The following RABL6 variants were observed in gnomAD, a reference collection of about 807,000 sequenced individuals.
RABL6 encodes the protein rab-like protein 6.
Under a neutral mutation model 72.9 loss-of-function variants are expected in RABL6, and 28 were observed. The observed-to-expected ratio is 0.38, with a 90% CI of 0.28 to 0.53. The LOEUF (loss-of-function observed/expected upper bound fraction) is 0.53. Among genes scored for constraint, RABL6 ranks in the 20% least tolerant of loss-of-function variants. RABL6 has a pLI of 0.80. For synonymous variants in RABL6, 477 were observed against 421.2 expected, an observed-to-expected ratio of 1.13 and a Z score of -1.62; for missense variants, 1,029 against 1,008.4, an observed-to-expected ratio of 1.02 and a Z score of -0.28.
intron 10 of RABL6, 36 bp from the exon 11 acceptor site, chr9:136,838,873 C>G: frequency 6.7e-7 from 1 of 1,502,528 alleles, no homozygotes; most frequent in African/African-American, 1.4e-5. Context: ...CATCCCTACC[C>G]CGTGGCCCTT....
intron 1 of RABL6, 28 bp from the exon 2 acceptor site, chr9:136,823,497 C>T: frequency 6.2e-7 from 1 of 1,612,158 alleles, no homozygotes; most frequent in East Asian, 2.2e-5. Context: ...GTTTAATTTG[C>T]CTTTTCTTTT....
intron 1 of RABL6, 183 bp downstream of exon 1, chr9:136,808,509 G>A (rs1216676184): frequency 7.5e-6 from 4 of 530,862 alleles, no homozygotes; most frequent in East Asian, 9.1e-5. Flanking sequence ...CCAGGCCAGG[G>A]CCGGGTCCTC....
Position 136,838,889 on chromosome 9 carries a change from C to T in RABL6, c.1281-20C>T, listed in dbSNP as rs1432470994. On this transcript the variant is annotated intron_variant, in intron 10 of 14. Coordinates refer to ENST00000311502, the MANE Select transcript of RABL6 (RefSeq NM_024718.5). ...ATCCCTACCCCGTGGCCCTTGACCG[C>T]TTTGCCCCCTGCTTTGCAGTGATGG... 5 of 1,543,974 alleles carry T rather than the reference C, an allele frequency of 3.2e-6. No homozygotes were observed. In the African/African-American group the frequency reaches 4.1e-5, roughly 13 times the overall value.
Position 136,841,017 on chromosome 9 carries a change from G to GC in RABL6, c.*495_*496insC. 1 of 1,434,794 alleles carries GC rather than the reference G, an allele frequency of 7.0e-7. No individual in the cohort carries two copies. Among genetic ancestry groups the GC allele is most frequent in the South Asian group, 1.5e-5 (1 of 66,146 alleles). The allele number at this position is 1,434,794 out of a possible 1,614,324, so 88.9% of individuals were successfully genotyped here. A position where few individuals can be genotyped will look rare whatever the true frequency, so the allele number is the denominator to read the frequency against. On this transcript the variant is annotated 3_prime_UTR_variant, in exon 15 of 15. Transcript: ENST00000311502. ...AAAGGGCGGCCCAGGCCCCACGCTAGAAGGCTGGCGAGACCGAAGGCAGCA... is the reference window on the plus strand; with the variant it reads ...AAAGGGCGGCCCAGGCCCCACGCTAGCAAGGCTGGCGAGACCGAAGGCAGCA...
intron 5 of RABL6, among the ~76,000 whole-genome samples, chr9:136,830,484 G>A (rs371455601): frequency 7.8e-4 from 119 of 152,376 alleles, no homozygotes; most frequent in African/African-American, 1.3e-3. Flanking sequence ...AACCACACAC[G>A]GGGCTGGCGG....
intron 1 of RABL6, among the ~76,000 whole-genome samples, chr9:136,818,587 AT>A (rs1405869424): frequency 6.6e-6 from 1 of 151,782 alleles, no homozygotes; most frequent in Admixed American, 6.6e-5. Flanking sequence ...ACTAAAAAAA[AT>A]ACAAAAATTA....
chr9:136,837,129 C>T (rs918910914), intron 8 of RABL6: 4 of 690,474 alleles, frequency 5.8e-6, no homozygotes, highest in Non-Finnish European at 1.1e-5. Flanking sequence ...CCTGCCTTGG[C>T]CTCCTACAGT....
chr9:136,834,901 G>C (rs1848557125), intron 7 of RABL6, among the ~76,000 whole-genome samples: 1 of 148,922 alleles, frequency 6.7e-6, no homozygotes, highest in Middle Eastern at 3.2e-3. Flanking sequence ...CTTCTGCCTG[G>C]GCAATATAAT....
Position 136,839,849 on chromosome 9 carries a change from G to A in RABL6, c.1914G>A (p.Lys638=), listed in dbSNP as rs1213709797. ...FGLGLEEAGP[K]ESSEEGKEGK... ...TGGGGCTGGAGGAGGCCGGACCCAA[G>A]GAGAGCAGTGAGGAAGGTGGGTGGG... is the stretch of plus-strand genomic sequence containing the variant. Residue 638 remains lysine, a synonymous_variant, in exon 13 of 15, where the codon AAG becomes AAA. Transcript: ENST00000311502. The A allele has an allele frequency of 5.6e-6, 9 of 1,612,314 alleles. No individual in the cohort carries two copies. Among genetic ancestry groups the A allele is most frequent in the Non-Finnish European group, 7.6e-6 (9 of 1,179,684 alleles).
At position 136,831,704 on chromosome 9, in the gene RABL6, C is replaced by T. The variant is rs745476458; in HGVS notation, c.459-17C>T. 2.5e-6 allele frequency: 4 copies of T among 1,612,890 alleles called. No homozygotes were observed. The highest frequency in any genetic ancestry group is 4.5e-5 in the East Asian group (2 of 44,880). The stretch of plus-strand genomic sequence containing the variant: ...CGCAGGGCTGAAACTAAGCCAGGTC[C>T]TCACCTGTTCTCCGAGGACCTTCAA... On this transcript the variant is annotated splice_polypyrimidine_tract_variant and intron_variant, in intron 5 of 14. Transcript: ENST00000311502.
chr9:136,809,238 G>A (rs1437160195), intron 1 of RABL6: 2 of 159,010 alleles, frequency 1.3e-5, no homozygotes, highest in African/African-American at 4.8e-5. Flanking sequence ...CTAATGATCA[G>A]AAAGACTCTT....
chr9:136,822,855 A>G (rs556286638), intron 1 of RABL6, among the ~76,000 whole-genome samples: 308 of 152,238 alleles, frequency 2.0e-3, no homozygotes, highest in Middle Eastern at 6.8e-3. Flanking sequence ...TTGGGAGGCC[A>G]AGGCGGGCGG....
rs1372016062 is a variant in RABL6, at chr9:136,808,176, C to T, written c.-21C>T. 3.3e-6 allele frequency: 5 copies of T among 1,496,512 alleles called. No individual in the cohort carries two copies. In the African/African-American group the frequency reaches 7.3e-5, roughly 22 times the overall value. 92.7% of individuals were successfully genotyped at this position (1,496,512 alleles called of 1,614,324 possible). ...GCTGAGCTCGCCGGCCGCGCCCGGGCTGGGACGTCCGAGCGGGAAGATGTT... is the reference window on the plus strand; with the variant it reads ...GCTGAGCTCGCCGGCCGCGCCCGGGTTGGGACGTCCGAGCGGGAAGATGTT... On this transcript the variant is annotated 5_prime_UTR_variant, in exon 1 of 15. Transcript: ENST00000311502.
In RABL6 at chr9:136,808,097, G is replaced by T; in HGVS notation, c.-100G>T. 1 of 1,219,044 alleles carries T rather than the reference G, an allele frequency of 8.2e-7. No homozygotes were observed. 75.5% of individuals were successfully genotyped at this position (1,219,044 alleles called of 1,614,324 possible). A position where few individuals can be genotyped will look rare whatever the true frequency, so the allele number is the denominator to read the frequency against. On this transcript the variant is annotated 5_prime_UTR_variant, in exon 1 of 15. Coordinates refer to ENST00000311502, the MANE Select transcript of RABL6 (RefSeq NM_024718.5). ...TCTGGCCGCGCCGGCTCCGGCCTCC[G>T]GGGGGGCCGGGGCCGCCGGGACATG... is the stretch of plus-strand genomic sequence containing the variant.
At chr9:136,813,639 G>A (rs922375152) in intron 1 of RABL6, 1 of 262,976 alleles carries the variant, frequency 3.8e-6, no homozygotes, top group African/African-American at 2.3e-5. Flanking sequence ...TTTTGAGCCA[G>A]AGTCTCGCTC....
In RABL6 at chr9:136,829,411, C is replaced by T. The variant is rs929759888; in HGVS notation, c.385C>T (p.Leu129=). ...DPQEAESEMA[L]DAEFLDVYKN... ...TCCCCAGGCGGAGTCTGAAATGGCC[C>T]TGGATGCTGAGTTCCTGGACGTGTA... Residue 129 remains leucine (L), a synonymous_variant, in exon 5 of 15, where the codon CTG becomes TTG. Coordinates refer to ENST00000311502, the MANE Select transcript of RABL6 (RefSeq NM_024718.5). The T allele has an allele frequency of 1.3e-6, 2 of 1,577,004 alleles. No homozygotes were observed. Among genetic ancestry groups the T allele is most frequent in the African/African-American group, 2.7e-5 (2 of 74,082 alleles).
intron 7 of RABL6, among the ~76,000 whole-genome samples, chr9:136,834,724 G>T (rs530841969): frequency 3.3e-5 from 5 of 152,102 alleles, no homozygotes; most frequent in South Asian, 2.1e-4. Context: ...TGATCTGCCC[G>T]CCTTGGCCCC....
In RABL6 at chr9:136,828,614, G is replaced by A. The variant is rs1454012868; in HGVS notation, c.366+68G>A. 7.8e-6 allele frequency: 12 copies of A among 1,530,458 alleles called. 1 individual carries two copies. Among genetic ancestry groups the A allele is most frequent in the South Asian group, 5.6e-5 (5 of 88,892 alleles). The allele number at this position is 1,530,458 out of a possible 1,614,324, so 94.8% of individuals were successfully genotyped here. ...CGGGGTGCGTGAGCCGGTGCCCAGC[G>A]CTTCACACGCTTTTGACCCCAACCA... On this transcript the variant is annotated intron_variant, in intron 4 of 14. Coordinates refer to ENST00000311502, the MANE Select transcript of RABL6 (RefSeq NM_024718.5).
chr9:136,809,329 C>A, intron 1 of RABL6: 1 of 185,656 alleles, frequency 5.4e-6, no homozygotes, highest in South Asian at 1.0e-4. Flanking sequence ...TGGAGCTAGT[C>A]CAGGAGGACA....
Sources: gnomAD v4.1 joint callset for allele counts (sites outside exome capture counted in the v4.1 genomes callset) on GRCh38, gnomAD v4.1.1 for gene constraint, MANE v1.5 for transcripts, NCBI Gene and HGNC (gene_info 2026-07-23, HGNC 2026-07-21) for gene names.